Variants in AR observed in about 807,000 individuals in gnomAD.
AR encodes the protein androgen receptor, also known as dihydrotestosterone receptor.
A neutral mutation model predicts 53.9 loss-of-function variants in AR; 8 were observed. That is an observed-to-expected ratio of 0.15 (90% CI 0.09 to 0.27). The LOEUF (loss-of-function observed/expected upper bound fraction) is 0.27. Ranked by LOEUF, AR falls within the 10% of genes least tolerant of loss-of-function variation. AR has a pLI of 1.00. For synonymous variants in AR, 359 were observed against 316.4 expected (o/e 1.13, Z -1.43); for missense variants, 639 against 742.5 (o/e 0.86, Z 1.62).
At chrX:67,565,059 C>T (rs1227221362) in intron 1 of AR, among the ~76,000 whole-genome samples, 2 of 111,583 alleles carry the variant, frequency 1.8e-5, no homozygotes, top group Non-Finnish European at 3.8e-5. Flanking sequence ...ATCTACTTTT[C>T]CCTTCTCTAG....
intron 1 of AR, among the ~76,000 whole-genome samples, chrX:67,634,823 T>C (rs780102363): frequency 3.1e-3 from 346 of 111,821 alleles, no homozygotes; most frequent in Non-Finnish European, 5.4e-3. Flanking sequence ...TAAAAAGTCA[T>C]GTAGGGATGT....
chrX:67,717,267 G>A (rs2076117102), intron 4 of AR, among the ~76,000 whole-genome samples: 1 of 111,390 alleles, frequency 9.0e-6, no homozygotes, highest in Admixed American at 9.5e-5. Context: ...TCTCATTTGA[G>A]CAGCTCAGGG....
At chrX:67,651,240 G>A (rs1050323309) in intron 2 of AR, among the ~76,000 whole-genome samples, 8 of 106,430 alleles carry the variant, frequency 7.5e-5, no homozygotes, top group African/African-American at 2.4e-4. Flanking sequence ...GTAGAGACAG[G>A]GTTTCACCAT....
Position 67,569,557 on chromosome X carries a change from G to A in AR, c.1616+22795G>A, listed in dbSNP as rs573040976. 9.0e-5 allele frequency among the ~76,000 whole-genome samples: 10 copies of A among 111,509 alleles called. No homozygotes were observed. In the East Asian group the frequency reaches 2.3e-3, roughly 25 times the overall value. On this transcript the variant is annotated intron_variant, in intron 1 of 7. Transcript: ENST00000374690. ...GGAACGTGTCTTTTCTTTTGTGCTC[G>A]TATCTCTGTGTAATCGAGTGTCTTG... is the stretch of plus-strand genomic sequence containing the variant.
intron 1 of AR, among the ~76,000 whole-genome samples, chrX:67,594,843 G>A (rs909482498): frequency 2.7e-5 from 3 of 111,550 alleles, no homozygotes; most frequent in African/African-American, 9.8e-5. Flanking sequence ...CAGCTACTCA[G>A]GAGGCTGAGG....
chrX:67,659,485 GT>G (rs1382356460), intron 2 of AR, among the ~76,000 whole-genome samples: 73 of 110,941 alleles, frequency 6.6e-4, no homozygotes, highest in African/African-American at 2.4e-3. Context: ...TTTTGTCCTT[GT>G]GATAGTTTGC....
At chrX:67,629,501 T>C (rs1924930406) in intron 1 of AR, among the ~76,000 whole-genome samples, 1 of 107,467 alleles carries the variant, frequency 9.3e-6, no homozygotes. Flanking sequence ...TATCATTTTT[T>C]ATTGTGTCTA....
intron 2 of AR, among the ~76,000 whole-genome samples, chrX:67,679,729 G>T (rs1177576198): frequency 9.0e-6 from 1 of 111,510 alleles, no homozygotes; most frequent in African/African-American, 3.2e-5. Flanking sequence ...TTGGTCATTT[G>T]TACTTCTAAC....
intron 3 of AR, among the ~76,000 whole-genome samples, chrX:67,689,108 A>G (rs778307745): frequency 9.0e-6 from 1 of 111,337 alleles, no homozygotes; most frequent in Non-Finnish European, 1.9e-5. Context: ...TAGAACTGGA[A>G]TTGTGGCTTC....
intron 1 of AR, among the ~76,000 whole-genome samples, chrX:67,632,306 G>T (rs1389881164): frequency 3.5e-5 from 4 of 113,193 alleles, no homozygotes; most frequent in African/African-American, 1.3e-4. Flanking sequence ...ATGGGCGTAG[G>T]ACCCTCTGAG....
intron 1 of AR, among the ~76,000 whole-genome samples, chrX:67,593,307 C>T (rs1922919652): frequency 9.1e-6 from 1 of 110,127 alleles, no homozygotes; most frequent in Admixed American, 9.7e-5. Flanking sequence ...TTAAAATGGC[C>T]GCTTTGGGTT....
intron 3 of AR, among the ~76,000 whole-genome samples, chrX:67,697,244 C>T (rs1205625988): frequency 9.0e-6 from 1 of 111,652 alleles, no homozygotes; most frequent in African/African-American, 3.3e-5. Flanking sequence ...TCTTATGTTA[C>T]ATTTCAGTCC....
At chrX:67,703,739 GCACC>G (rs1050287103) in intron 3 of AR, among the ~76,000 whole-genome samples, 1 of 111,596 alleles carries the variant, frequency 9.0e-6, no homozygotes, top group African/African-American at 3.3e-5. Context: ...TTGGTGTGCT[GCACC>G]CATTAACTCC....
Position 67,709,865 on chromosome X carries a change from G to T in AR, c.1886-1537G>T, listed in dbSNP as rs144099298. ...AATTGTCATATGTTGAGCCCAAAAT[G>T]ATAGGATAGAATTTGATAGTCTGAG... On this transcript the variant is annotated intron_variant, in intron 3 of 7. Coordinates refer to ENST00000374690, the MANE Select transcript of AR (RefSeq NM_000044.6). 4.0e-4 allele frequency among the ~76,000 whole-genome samples: 45 copies of T among 111,884 alleles called. No homozygotes were observed. The East Asian group carries it at 0.012, about 31-fold the overall frequency.
At chrX:67,610,985 A>G (rs2147386416) in intron 1 of AR, among the ~76,000 whole-genome samples, 1 of 111,767 alleles carries the variant, frequency 8.9e-6, no homozygotes, top group East Asian at 2.8e-4. Flanking sequence ...AATGGTCACT[A>G]TCCAGTAGGG....
chrX:67,580,122 T>C (rs1002546417), intron 1 of AR, among the ~76,000 whole-genome samples: 2 of 108,599 alleles, frequency 1.8e-5, no homozygotes, highest in Non-Finnish European at 3.8e-5. Context: ...TCTTAGTTCA[T>C]CTTAAGCATA....
intron 1 of AR, among the ~76,000 whole-genome samples, chrX:67,589,187 C>G (rs1352365595): frequency 1.8e-5 from 2 of 108,697 alleles, no homozygotes; most frequent in Admixed American, 2.0e-4. Flanking sequence ...GGCGTGAACC[C>G]GGGAAGCGGA....
At chrX:67,696,081 T>C (rs747847026) in intron 3 of AR, 1 of 746,853 alleles carries the variant, frequency 1.3e-6, no homozygotes, top group East Asian at 1.5e-4. Context: ...ACACCAATCG[T>C]ATTTTCTTAT....
rs748920901 is a variant in AR at position 67,728,087 on chromosome X, G to T, written c.*4246G>T. ...AAGATACCAAAATTCATAAGGGCAGGGGGGGAGCAAGCATTAGTGCCTCTT... is the reference window on the plus strand; with the variant it reads ...AAGATACCAAAATTCATAAGGGCAGTGGGGGAGCAAGCATTAGTGCCTCTT... On this transcript the variant is annotated 3_prime_UTR_variant, in exon 8 of 8. Coordinates refer to ENST00000374690, the MANE Select transcript of AR (RefSeq NM_000044.6). The T allele has an allele frequency of 2.9e-5, 5 of 172,292 alleles. No individual in the cohort carries two copies. The highest frequency in any genetic ancestry group is 4.4e-5 in the Non-Finnish European group (4 of 90,847). 14.2% of individuals were successfully genotyped at this position (172,292 alleles called of 1,213,427 possible).
Sources: gnomAD v4.1 joint callset for allele counts (sites outside exome capture counted in the v4.1 genomes callset) on GRCh38, gnomAD v4.1.1 for gene constraint, MANE v1.5 for transcripts, NCBI Gene and HGNC (gene_info 2026-07-23, HGNC 2026-07-21) for gene names.